CACHD1: variants seen among roughly 807,000 people sequenced by gnomAD.
CACHD1 encodes cache domain containing 1.
A neutral mutation model predicts 138.7 loss-of-function variants in CACHD1; 71 were observed. The ratio of observed to expected loss-of-function variants is 0.51; its 90% CI spans 0.42 to 0.62. CACHD1 has a LOEUF of 0.62. CACHD1 is among the 20% of genes least tolerant of loss of function. CACHD1 has a pLI of 0.00. For missense variants in CACHD1, 1,389 were observed against 1,625.3 expected (o/e 0.85, Z 2.50); for synonymous variants, 578 against 591.5 (o/e 0.98, Z 0.33).
chr1:64,500,717 T>TAAAAAAAAAAAAAAA (rs72436564), intron 1 of CACHD1, among the ~76,000 whole-genome samples: 29 of 33,914 alleles, frequency 8.6e-4, no homozygotes, highest in East Asian at 2.3e-3. Context: ...CCTTGTCTCT[T>TAAAAAAAAAAAAAAA]AAAAAAAAAA....
intron 9 of CACHD1, among the ~76,000 whole-genome samples, chr1:64,650,321 A>G (rs1015484252): frequency 6.6e-6 from 1 of 152,204 alleles, no homozygotes; most frequent in African/African-American, 2.4e-5. Flanking sequence ...CTTTAATCCT[A>G]GACTAAAGCT....
chr1:64,602,470 A>ATTTTTTTTT (rs10694627), intron 3 of CACHD1, among the ~76,000 whole-genome samples: 1 of 125,224 alleles, frequency 8.0e-6, no homozygotes, highest in Non-Finnish European at 1.7e-5. Context: ...CTCCCATCTG[A>ATTTTTTTTT]TTTTTTTTTT....
intron 11 of CACHD1, 150 bp downstream of exon 11, chr1:64,654,031 T>C (rs1649187756): frequency 1.5e-6 from 1 of 678,936 alleles, no homozygotes; most frequent in East Asian, 3.0e-5. Flanking sequence ...TCCGTAAGAA[T>C]AGCACCCAAG....
chr1:64,618,494 T>C (rs1380028025), intron 4 of CACHD1, among the ~76,000 whole-genome samples: 1 of 152,180 alleles, frequency 6.6e-6, no homozygotes, highest in African/African-American at 2.4e-5. Flanking sequence ...GTAATGTAGA[T>C]AAAAGCCTTA....
At chr1:64,649,670 T>C (rs1649026164) in intron 9 of CACHD1, among the ~76,000 whole-genome samples, 1 of 152,336 alleles carries the variant, frequency 6.6e-6, no homozygotes, top group Admixed American at 6.5e-5. Flanking sequence ...TCAGATCATA[T>C]AGCCAAATTC....
Position 64,673,230 on chromosome 1 carries a change from T to A in CACHD1, c.2583T>A (p.Pro861=). The change falls in exon 18 of 27, where the codon CCT becomes CCA. Residue 861 remains proline (P), a synonymous_variant. Transcript: ENST00000651257. ...PTLIDPKGHA[P]VEQQHITHKE... is the part of the protein sequence containing the mutation. ...TCATCGACCCCAAAGGACATGCACC[T>A]GTGGAGCAGCAGCACATCACCCACA... The A allele has an allele frequency of 1.2e-6, 2 of 1,614,050 alleles. No homozygotes were observed. Among genetic ancestry groups the A allele is most frequent in the Non-Finnish European group, 1.7e-6 (2 of 1,179,988 alleles).
chr1:64,472,004 A>G (rs1263335382), intron 1 of CACHD1, among the ~76,000 whole-genome samples: 1 of 152,176 alleles, frequency 6.6e-6, no homozygotes, highest in African/African-American at 2.4e-5. Context: ...ATAAAATAAC[A>G]CCATTCTCTT....
At position 64,494,779 on chromosome 1, in the gene CACHD1, C is replaced by T. The variant is rs147688287; in HGVS notation, c.198+23837C>T. ...ACTTTTTTTAGTGTTTTTTATGTGC[C>T]AGGCATTATGCTAAGGGTTAGAGTT... is the stretch of plus-strand genomic sequence containing the variant. On this transcript the variant is annotated intron_variant, in intron 1 of 26. Coordinates refer to ENST00000651257, the MANE Select transcript of CACHD1 (RefSeq NM_020925.4). Among the ~76,000 whole-genome samples the T allele has an allele frequency of 1.2e-3, 176 of 152,170 alleles. 1 individual carries two copies. Among genetic ancestry groups the T allele is most frequent in the African/African-American group, 4.1e-3 (172 of 41,532 alleles).
chr1:64,584,720 C>G (rs1048107469), intron 3 of CACHD1, among the ~76,000 whole-genome samples: 3 of 152,066 alleles, frequency 2.0e-5, no homozygotes, highest in Non-Finnish European at 2.9e-5. Flanking sequence ...CTTTTATTAC[C>G]CCTAGCACCT....
intron 1 of CACHD1, among the ~76,000 whole-genome samples, chr1:64,549,508 C>G (rs1016219125): frequency 6.6e-6 from 1 of 152,280 alleles, no homozygotes; most frequent in African/African-American, 2.4e-5. Context: ...CTCCACCCCC[C>G]GACCAAACCT....
At chr1:64,495,754 C>A (rs1397298564) in intron 1 of CACHD1, among the ~76,000 whole-genome samples, 1 of 151,910 alleles carries the variant, frequency 6.6e-6, no homozygotes, top group Admixed American at 6.6e-5. Context: ...AGAGCCCTAG[C>A]ACCAAAGTCC....
chr1:64,471,241 T>C (rs1286814169), intron 1 of CACHD1, among the ~76,000 whole-genome samples: 1 of 152,132 alleles, frequency 6.6e-6, no homozygotes, highest in Non-Finnish European at 1.5e-5. Flanking sequence ...CGTCAAGGAT[T>C]CTCCAGTTTC....
rs1354827786 is a variant in CACHD1, at chr1:64,630,334, C to G, written c.644+853C>G. On this transcript the variant is annotated intron_variant, in intron 5 of 26. Coordinates refer to ENST00000651257, the MANE Select transcript of CACHD1 (RefSeq NM_020925.4). ...TTTTTTTTCCTGAGATGGAGTTTTGCTCTTGTTGCCCAGGCTGGAGTGCAA... is the reference window on the plus strand; with the variant it reads ...TTTTTTTTCCTGAGATGGAGTTTTGGTCTTGTTGCCCAGGCTGGAGTGCAA... Among the ~76,000 whole-genome samples, 3 of 144,774 alleles carry G rather than the reference C, an allele frequency of 2.1e-5. No homozygotes were observed. The Admixed American group carries it at 2.1e-4, about 10-fold the overall frequency. The allele number at this position is 144,774 out of a possible 152,430, so 95.0% of individuals were successfully genotyped here. A position where few individuals can be genotyped will look rare whatever the true frequency, so the allele number is the denominator to read the frequency against.
At chr1:64,571,483 T>C (rs1646926706) in intron 2 of CACHD1, among the ~76,000 whole-genome samples, 1 of 152,192 alleles carries the variant, frequency 6.6e-6, no homozygotes. Context: ...TAGAAACATC[T>C]AGATTTTTAA....
intron 2 of CACHD1, among the ~76,000 whole-genome samples, chr1:64,573,735 G>C (rs991966472): frequency 1.3e-5 from 2 of 152,204 alleles, no homozygotes; most frequent in African/African-American, 4.8e-5. Context: ...AGTGGTTCAA[G>C]AGGATGAATG....
chr1:64,594,212 C>T (rs1473226545), intron 3 of CACHD1, among the ~76,000 whole-genome samples: 1 of 150,598 alleles, frequency 6.6e-6, no homozygotes, highest in Non-Finnish European at 1.5e-5. Context: ...TGAGATCGTG[C>T]CATTGCACTC....
intron 26 of CACHD1, among the ~76,000 whole-genome samples, chr1:64,691,081 C>A (rs1570490168): frequency 6.6e-6 from 1 of 151,572 alleles, no homozygotes; most frequent in East Asian, 1.9e-4. Flanking sequence ...CTCCTCTGTA[C>A]TTTCTCAGCT....
At chr1:64,635,347 G>C (rs2100647565) in intron 7 of CACHD1, among the ~76,000 whole-genome samples, 1 of 151,064 alleles carries the variant, frequency 6.6e-6, no homozygotes, top group South Asian at 2.1e-4. Flanking sequence ...AGATGAGCAT[G>C]GCCCTTCAGA....
At chr1:64,485,467 T>G (rs540624249) in intron 1 of CACHD1, among the ~76,000 whole-genome samples, 88 of 152,384 alleles carry the variant, frequency 5.8e-4, no homozygotes, top group African/African-American at 1.9e-3. Context: ...TCATCCATGT[T>G]GTATGTATCA....
Sources: allele counts gnomAD v4.1 joint callset (sites outside exome capture counted in the v4.1 genomes callset), GRCh38; gene constraint gnomAD v4.1.1; transcripts MANE v1.5; gene names NCBI Gene and HGNC (gene_info 2026-07-23, HGNC 2026-07-21).